VAV3: variants seen among roughly 807,000 people sequenced by gnomAD.
VAV3 encodes guanine nucleotide exchange factor VAV3.
A neutral mutation model predicts 131.2 loss-of-function variants in VAV3; 94 were observed. The ratio of observed to expected loss-of-function variants is 0.72; its 90% CI spans 0.61 to 0.85. The LOEUF is 0.85. Among genes scored for constraint, VAV3 ranks in the 40% least tolerant of loss-of-function variants. The pLI is 0.00. For missense variants in VAV3, 939 were observed against 1,002.7 expected (o/e 0.94, Z 0.86); for synonymous variants, 349 against 342.0 (o/e 1.02, Z -0.22).
chr1:107,802,009 A>T (rs1557856340), intron 2 of VAV3, among the ~76,000 whole-genome samples: 1 of 152,078 alleles, frequency 6.6e-6, no homozygotes, highest in Admixed American at 6.6e-5. Flanking sequence ...GTTTTGTTAC[A>T]TAGGTATACA....
chr1:107,639,222 C>T (rs1279402136), intron 20 of VAV3, among the ~76,000 whole-genome samples: 1 of 151,970 alleles, frequency 6.6e-6, no homozygotes, highest in Non-Finnish European at 1.5e-5. Context: ...TATAAGCCTT[C>T]TAGAAGATAA....
rs115123395 is a variant in VAV3 at position 107,904,075 on chromosome 1, C to T, written c.205-29058G>A. Among the ~76,000 whole-genome samples, 964 of 152,244 alleles carry T rather than the reference C, an allele frequency of 6.3e-3. 8 individuals are homozygous for T. The highest frequency in any genetic ancestry group is 0.022 in the African/African-American group (912 of 41,540). On this transcript the variant is annotated intron_variant, in intron 1 of 26. Transcript: ENST00000370056. ...CTATAACTTTCCACCTTACGTGCTC[C>T]ATCATTTCCTCTTCCTCCTCCATCA...
At chr1:107,724,846 A>G (rs974760232) in intron 15 of VAV3, among the ~76,000 whole-genome samples, 1 of 150,606 alleles carries the variant, frequency 6.6e-6, no homozygotes, top group African/African-American at 2.4e-5. Context: ...GAAAAAAAAA[A>G]GGCTAGAGCT....
Position 107,755,435 on chromosome 1 carries a change from C to CT in VAV3, c.1164dup (p.Glu389ArgfsTer18). 6.2e-7 allele frequency: 1 copy of CT among 1,610,594 alleles called. No individual in the cohort carries two copies. Among genetic ancestry groups the CT allele is most frequent in the Non-Finnish European group, 8.5e-7 (1 of 1,176,970 alleles). On this transcript the variant is annotated frameshift_variant, in exon 12 of 27. Transcript: ENST00000370056. LOFTEE classifies it high-confidence loss of function. ...GAAAGATAATTACATACCAAATTCT[C>CT]TATAGATAGCTGAAACTGTTTAATT...
intron 1 of VAV3, among the ~76,000 whole-genome samples, chr1:107,889,988 G>A (rs1671237638): frequency 6.6e-6 from 1 of 151,460 alleles, no homozygotes. Context: ...TTTCTTTATT[G>A]TATTACCTGC....
Position 107,857,810 on chromosome 1 carries a change from T to G in VAV3, c.321+17091A>C, listed in dbSNP as rs149831315. ...AGACTTTGCTGGGCCTCTTAAAGGT[T>G]GAATGAAGAATGCTTCCTAGATTCC... is the stretch of plus-strand genomic sequence containing the variant. On this transcript the variant is annotated intron_variant, in intron 2 of 26. Coordinates refer to ENST00000370056, the MANE Select transcript of VAV3 (RefSeq NM_006113.5). Among the ~76,000 whole-genome samples the G allele has an allele frequency of 1.8e-4, 27 of 152,318 alleles. No homozygotes were observed. In the East Asian group the frequency reaches 5.2e-3, roughly 29 times the overall value.
intron 15 of VAV3, among the ~76,000 whole-genome samples, chr1:107,724,492 C>T (rs1350638140): frequency 6.6e-6 from 1 of 152,090 alleles, no homozygotes; most frequent in Non-Finnish European, 1.5e-5. Context: ...AATACATGGC[C>T]TCTGGCCTTA....
Position 107,765,160 on chromosome 1 carries a change from C to T in VAV3, c.837G>A (p.Gly279=). 6.2e-7 allele frequency: 1 copy of T among 1,612,694 alleles called. No individual in the cohort carries two copies. Among genetic ancestry groups the T allele is most frequent in the African/African-American group, 1.3e-5 (1 of 74,884 alleles). ...INYKERLVIY[G]QYCSGVESAI... is the part of the protein sequence containing the mutation. ...CTGACTCCACTCCACTGCAGTACTGCCCGTAAATAACCAATCTGAAAGGGA... is the reference window on the plus strand; with the variant it reads ...CTGACTCCACTCCACTGCAGTACTGTCCGTAAATAACCAATCTGAAAGGGA... The change falls in exon 9 of 27, where the codon GGG becomes GGA. Residue 279 remains glycine, a synonymous_variant. Transcript: ENST00000370056.
At position 107,910,788 on chromosome 1, in the gene VAV3, T is replaced by C. The variant is rs575992662; in HGVS notation, c.205-35771A>G. On this transcript the variant is annotated intron_variant, in intron 1 of 26. Transcript: ENST00000370056. ...CGATGTCAGGAGTTTGAGATCAGCC[T>C]GGGCAACATAGCAAAACCCCATCTC... 8.5e-5 allele frequency among the ~76,000 whole-genome samples: 13 copies of C among 152,278 alleles called. No homozygotes were observed. The South Asian group carries it at 2.7e-3, about 32-fold the overall frequency.
chr1:107,689,916 C>T (rs1261962620), intron 17 of VAV3, among the ~76,000 whole-genome samples: 2 of 152,110 alleles, frequency 1.3e-5, no homozygotes, highest in African/African-American at 2.4e-5. Context: ...CACTGGTTTG[C>T]CCAGAAAGAC....
intron 1 of VAV3, among the ~76,000 whole-genome samples, chr1:107,922,450 T>C (rs1672943858): frequency 6.6e-6 from 1 of 152,142 alleles, no homozygotes; most frequent in Non-Finnish European, 1.5e-5. Context: ...ACTTTCACTT[T>C]TTAAAGTTTT....
intron 2 of VAV3, among the ~76,000 whole-genome samples, chr1:107,786,641 A>C (rs768005207): frequency 3.9e-5 from 6 of 152,224 alleles, no homozygotes; most frequent in Non-Finnish European, 8.8e-5. Context: ...GTAAAGTCAG[A>C]TTTGGTCTTT....
At chr1:107,853,683 G>C (rs1052864874) in intron 2 of VAV3, among the ~76,000 whole-genome samples, 72 of 151,846 alleles carry the variant, frequency 4.7e-4, no homozygotes, top group Non-Finnish European at 1.9e-4. Context: ...ATCACAGAAA[G>C]AGAAAAGCCA....
chr1:107,718,160 C>A (rs1661237174), intron 15 of VAV3, among the ~76,000 whole-genome samples: 1 of 152,028 alleles, frequency 6.6e-6, no homozygotes, highest in Admixed American at 6.5e-5. Context: ...ACAGGGATGC[C>A]CTCTCTCACC....
chr1:107,769,485 A>C (rs1664918643), intron 6 of VAV3, among the ~76,000 whole-genome samples: 1 of 152,102 alleles, frequency 6.6e-6, no homozygotes, highest in African/African-American at 2.4e-5. Context: ...TAACCTCTAA[A>C]TGTGAGAGTC....
intron 19 of VAV3, among the ~76,000 whole-genome samples, chr1:107,658,089 C>T (rs949846212): frequency 2.6e-5 from 4 of 152,134 alleles, no homozygotes; most frequent in Admixed American, 1.3e-4. Context: ...GAAAGAAAAC[C>T]GTACTTCCTT....
At chr1:107,625,366 A>G (rs2101316066) in intron 20 of VAV3, among the ~76,000 whole-genome samples, 1 of 151,906 alleles carries the variant, frequency 6.6e-6, no homozygotes, top group Non-Finnish European at 1.5e-5. Flanking sequence ...TCCCGGGCTC[A>G]AGTAATTCTT....
intron 1 of VAV3, among the ~76,000 whole-genome samples, chr1:107,896,498 C>A (rs1397010858): frequency 1.6e-4 from 25 of 152,140 alleles, no homozygotes; most frequent in Admixed American, 1.6e-3. Flanking sequence ...CTACAAAAAA[C>A]TTATATAAAG....
intron 1 of VAV3, among the ~76,000 whole-genome samples, chr1:107,897,722 G>A (rs1671664085): frequency 6.6e-6 from 1 of 152,080 alleles, no homozygotes; most frequent in South Asian, 2.1e-4. Flanking sequence ...ACAGCATGCT[G>A]GTACTTCCTG....
Sources: gnomAD v4.1 joint callset for allele counts (sites outside exome capture counted in the v4.1 genomes callset) on GRCh38, gnomAD v4.1.1 for gene constraint, MANE v1.5 for transcripts, NCBI Gene and HGNC (gene_info 2026-07-23, HGNC 2026-07-21) for gene names.